Variants in ADCY8 observed in about 807,000 individuals in gnomAD.
ADCY8 encodes the protein adenylate cyclase 8.
A neutral mutation model predicts 119.7 loss-of-function variants in ADCY8; 51 were observed. The observed-to-expected ratio is 0.43, with a 90% confidence interval of 0.34 to 0.54. The LOEUF is 0.54. Among genes scored for constraint, ADCY8 ranks in the 20% least tolerant of loss-of-function variants. The pLI is 0.03. For synonymous variants in ADCY8, 665 were observed against 651.0 expected, an observed-to-expected ratio of 1.02 and a Z score of -0.33; for missense variants, 1,383 against 1,598.8, an observed-to-expected ratio of 0.87 and a Z score of 2.30.
intron 5 of ADCY8, among the ~76,000 whole-genome samples, chr8:130,932,581 T>C (rs780334026): frequency 7.9e-5 from 12 of 152,222 alleles, no homozygotes; most frequent in Non-Finnish European, 2.9e-5. Flanking sequence ...TTGTCCTGCC[T>C]ACTCCATTTA....
chr8:130,876,740 A>T (rs1818581519), intron 8 of ADCY8, among the ~76,000 whole-genome samples: 1 of 152,036 alleles, frequency 6.6e-6, no homozygotes, highest in Admixed American at 6.6e-5. Flanking sequence ...TGAATAGAGG[A>T]TAAAAGAAAT....
At chr8:131,002,083 A>G (rs143452868) in intron 1 of ADCY8, among the ~76,000 whole-genome samples, 1 of 152,352 alleles carries the variant, frequency 6.6e-6, no homozygotes, top group East Asian at 1.9e-4. Flanking sequence ...TGGGCTTCTA[A>G]TAATGCCATT....
intron 2 of ADCY8, among the ~76,000 whole-genome samples, chr8:130,972,909 G>T (rs1821967068): frequency 6.6e-6 from 1 of 151,542 alleles, no homozygotes; most frequent in Non-Finnish European, 1.5e-5. Context: ...TCTGTAAAAT[G>T]GGAACGATAA....
intron 5 of ADCY8, among the ~76,000 whole-genome samples, chr8:130,912,549 G>T (rs1295899751): frequency 2.0e-5 from 3 of 152,076 alleles, no homozygotes; most frequent in African/African-American, 4.8e-5. Context: ...AATAAATAAA[G>T]AATGAATGAA....
intron 9 of ADCY8, among the ~76,000 whole-genome samples, chr8:130,854,832 TCC>T (rs1817662031): frequency 1.8e-5 from 1 of 57,112 alleles, no homozygotes; most frequent in East Asian, 7.8e-4. Context: ...CCTCCCTCCC[TCC>T]CTCCCTTCCT....
chr8:130,992,478 A>G (rs7815151), intron 1 of ADCY8, among the ~76,000 whole-genome samples: 65,497 of 138,334 alleles, frequency 0.47, 15,314 homozygotes, highest in East Asian at 0.81. Flanking sequence ...GCAGTAGCAC[A>G]ATCTTGGCTC....
At chr8:130,838,649 T>C (rs1817059035) in intron 11 of ADCY8, among the ~76,000 whole-genome samples, 1 of 140,996 alleles carries the variant, frequency 7.1e-6, no homozygotes, top group African/African-American at 2.4e-5. Flanking sequence ...AAAAAGCCAT[T>C]GAAATGATTG....
intron 10 of ADCY8, among the ~76,000 whole-genome samples, chr8:130,848,150 C>A (rs534969592): frequency 6.6e-6 from 1 of 152,258 alleles, no homozygotes; most frequent in Non-Finnish European, 1.5e-5. Flanking sequence ...GTAACTTGTC[C>A]AGTGTCACTG....
At chr8:130,899,589 G>A (rs1393452446) in intron 7 of ADCY8, among the ~76,000 whole-genome samples, 2 of 151,342 alleles carry the variant, frequency 1.3e-5, no homozygotes, top group Non-Finnish European at 2.9e-5. Context: ...CTGGGCGACA[G>A]AGTGAAATTC....
intron 5 of ADCY8, among the ~76,000 whole-genome samples, chr8:130,912,547 A>C (rs1263632279): frequency 6.6e-6 from 1 of 152,170 alleles, no homozygotes; most frequent in East Asian, 1.9e-4. Context: ...AAAATAAATA[A>C]AGAATGAATG....
intron 14 of ADCY8, among the ~76,000 whole-genome samples, chr8:130,802,639 T>C (rs2917065): frequency 0.12 from 18,992 of 152,272 alleles, 1,643 homozygotes; most frequent in South Asian, 0.31. Flanking sequence ...GTTGGATATG[T>C]GCTCCAGAAC....
At chr8:131,033,942 A>G (rs1428275584) in intron 1 of ADCY8, among the ~76,000 whole-genome samples, 2 of 152,098 alleles carry the variant, frequency 1.3e-5, no homozygotes, top group African/African-American at 2.4e-5. Context: ...TTTGAAAGGC[A>G]TTTTTCTCAG....
At chr8:130,896,499 A>G (rs1448752662) in intron 7 of ADCY8, among the ~76,000 whole-genome samples, 1 of 152,174 alleles carries the variant, frequency 6.6e-6, no homozygotes, top group Non-Finnish European at 1.5e-5. Flanking sequence ...GGCAGAAAGA[A>G]GAAGGAAAGA....
chr8:130,881,093 C>A (rs899453991), intron 8 of ADCY8, among the ~76,000 whole-genome samples: 5 of 152,166 alleles, frequency 3.3e-5, no homozygotes, highest in Non-Finnish European at 7.4e-5. Context: ...CTTTTGTTCT[C>A]TGCTGAAACT....
intron 9 of ADCY8, among the ~76,000 whole-genome samples, chr8:130,851,157 A>G (rs1817514008): frequency 6.6e-6 from 1 of 152,210 alleles, no homozygotes; most frequent in Non-Finnish European, 1.5e-5. Flanking sequence ...TTATTCAACA[A>G]GTCTTCTTCC....
intron 1 of ADCY8, among the ~76,000 whole-genome samples, chr8:131,019,491 TC>T (rs1823585318): frequency 6.6e-6 from 1 of 152,154 alleles, no homozygotes; most frequent in Non-Finnish European, 1.5e-5. Flanking sequence ...CATTTTAGCT[TC>T]AATTTTTAGC....
At chr8:130,791,972 T>C (rs1211116031) in intron 15 of ADCY8, among the ~76,000 whole-genome samples, 7 of 152,260 alleles carry the variant, frequency 4.6e-5, no homozygotes, top group African/African-American at 1.7e-4. Flanking sequence ...CTTTTTTTGC[T>C]GTACAACTTC....
intron 2 of ADCY8, among the ~76,000 whole-genome samples, chr8:130,979,159 C>T (rs1197090059): frequency 6.6e-6 from 1 of 152,064 alleles, no homozygotes; most frequent in Non-Finnish European, 1.5e-5. Context: ...GCATAAAATC[C>T]CATGTGAGAA....
chr8:131,001,199 G>A (rs926712268), intron 1 of ADCY8, among the ~76,000 whole-genome samples: 7 of 152,062 alleles, frequency 4.6e-5, no homozygotes, highest in Admixed American at 3.3e-4. Flanking sequence ...GGGCTATTCC[G>A]CCTCAAAGCC....
Sources: allele counts gnomAD v4.1 joint callset (sites outside exome capture counted in the v4.1 genomes callset), GRCh38; gene constraint gnomAD v4.1.1; transcripts MANE v1.5; gene names NCBI Gene and HGNC (gene_info 2026-07-23, HGNC 2026-07-21).